The following CHIT1 variants were observed in gnomAD, a reference collection of about 807,000 sequenced individuals.
CHIT1 encodes chitinase 1, also known as chitotriosidase-1.
A neutral mutation model predicts 52.0 loss-of-function variants in CHIT1; 47 were observed. The observed-to-expected ratio is 0.90, with a 90% CI of 0.71 to 1.15. CHIT1 has a LOEUF of 1.15. CHIT1 is among the 50% of genes most tolerant of loss of function. The probability of loss-of-function intolerance (pLI) is 0.00; values close to 1 mark genes in which losing one functional copy is unlikely to be tolerated. For missense variants in CHIT1, 569 were observed against 583.0 expected (o/e 0.98, Z 0.25); for synonymous variants, 242 against 228.2 (o/e 1.06, Z -0.54).
intron 10 of CHIT1, chr1:203,217,481 G>A: frequency 8.2e-7 from 1 of 1,218,368 alleles, no homozygotes; most frequent in Non-Finnish European, 1.2e-6. Flanking sequence ...TCCCAGTCTG[G>A]GGGCCCTCTG....
Position 203,216,940 on chromosome 1 carries a change from G to C in CHIT1, c.1350C>G (p.Cys450Trp). The change falls in exon 11 of 11, where the codon TGC (cysteine) becomes TGG (tryptophan). Residue 450 changes from cysteine to tryptophan, a missense_variant. Transcript: ENST00000367229. ...AGTTGCTGAACACCAGGCCTGTCGG[G>C]CAGCTTTGCTGGAACAGCCGCCCCG... ...CAAGRLFQQS[C>W]PTGLVFSNSC... is the part of the protein sequence containing the mutation. 6.2e-7 allele frequency: 1 copy of C among 1,614,232 alleles called. No individual in the cohort carries two copies. Among genetic ancestry groups the C allele is most frequent in the Non-Finnish European group, 8.5e-7 (1 of 1,180,032 alleles).
chr1:203,223,688 C>G, intron 4 of CHIT1, 28 bp from the exon 5 acceptor site: 2 of 1,613,522 alleles, frequency 1.2e-6, no homozygotes, highest in Admixed American at 1.7e-5. Context: ...GGAGTAAGGG[C>G]CGGCCTTGGA....
At chr1:203,227,817 C>T (rs1656980196) in intron 2 of CHIT1, among the ~76,000 whole-genome samples, 1 of 152,170 alleles carries the variant, frequency 6.6e-6, no homozygotes, top group African/African-American at 2.4e-5. Context: ...TGTTTCTGTG[C>T]CCCCGGCTGT....
intron 10 of CHIT1, chr1:203,217,464 G>A: frequency 7.7e-7 from 1 of 1,305,222 alleles, no homozygotes; most frequent in Non-Finnish European, 1.1e-6. Flanking sequence ...GAGGAACAAG[G>A]TGCTGCTCCC....
Position 203,217,885 on chromosome 1 carries a change from A to C in CHIT1, c.1030-20T>G. The C allele has an allele frequency of 1.3e-6, 2 of 1,499,890 alleles. No individual in the cohort carries two copies. The highest frequency in any genetic ancestry group is 1.8e-6 in the Non-Finnish European group (2 of 1,125,756). 92.9% of individuals were successfully genotyped at this position (1,499,890 alleles called of 1,614,324 possible). ...GCTGACCTGTGCAGGGAGGGGATGC[A>C]GTGGAGGAGCCCGGGGAAGCCTGAC... is the stretch of plus-strand genomic sequence containing the variant. On this transcript the variant is annotated intron_variant, in intron 9 of 10. Transcript: ENST00000367229.
chr1:203,228,318 C>T (rs1410307726), intron 2 of CHIT1, among the ~76,000 whole-genome samples: 1 of 152,204 alleles, frequency 6.6e-6, no homozygotes, highest in African/African-American at 2.4e-5. Context: ...CAAGCTGGCC[C>T]CACAGATGTG....
upstream of CHIT1, chr1:203,230,008 G>T (rs145307959): frequency 2.7e-3 from 862 of 324,684 alleles, 9 homozygotes; most frequent in African/African-American, 0.016. Flanking sequence ...GAAGAGAAAT[G>T]ACTCACGAGT....
In CHIT1 at chr1:203,219,823, C is replaced by T. The variant is rs1384555216; in HGVS notation, c.756G>A (p.Gln252=). Residue 252 remains glutamine (Q), a synonymous_variant, in exon 8 of 11, where the codon CAG becomes CAA. Transcript: ENST00000367229. ...NVDAAVQQWL[Q]KGTPASKLIL... ...TCAGCTTGCTGGCAGGGGTCCCCTTCTGCAGCCACTGTTGCACAGCAGCAT... is the reference window on the plus strand; with the variant it reads ...TCAGCTTGCTGGCAGGGGTCCCCTTTTGCAGCCACTGTTGCACAGCAGCAT... The T allele has an allele frequency of 1.2e-6, 2 of 1,612,312 alleles. No homozygotes were observed. The highest frequency in any genetic ancestry group is 1.7e-6 in the Non-Finnish European group (2 of 1,179,860).
intron 2 of CHIT1, among the ~76,000 whole-genome samples, chr1:203,226,798 C>G (rs757423094): frequency 6.6e-6 from 1 of 152,048 alleles, no homozygotes; most frequent in African/African-American, 2.4e-5. Context: ...TTGACCAGGA[C>G]ACCAGGAAGC....
At chr1:203,227,724 T>A (rs187403614) in intron 2 of CHIT1, among the ~76,000 whole-genome samples, 1 of 152,344 alleles carries the variant, frequency 6.6e-6, no homozygotes, top group East Asian at 1.9e-4. Context: ...CCTACTATTA[T>A]TACTATACTG....
chr1:203,219,882 C>T (rs759640003), intron 7 of CHIT1, 33 bp from the exon 8 acceptor site: 4 of 1,610,050 alleles, frequency 2.5e-6, no homozygotes, highest in African/African-American at 1.3e-5. Flanking sequence ...ATTTTCTCAG[C>T]CCTCAGCCTG....
At chr1:203,227,596 G>A (rs1656971806) in intron 2 of CHIT1, among the ~76,000 whole-genome samples, 1 of 152,188 alleles carries the variant, frequency 6.6e-6, no homozygotes, top group African/African-American at 2.4e-5. Flanking sequence ...CACAATGTGT[G>A]TCACAGGACC....
chr1:203,225,943 G>T (rs527695100), intron 2 of CHIT1, 73 bp from the exon 3 acceptor site: 1 of 1,503,792 alleles, frequency 6.6e-7, no homozygotes, highest in East Asian at 2.3e-5. Flanking sequence ...CTCCATCTGG[G>T]GTAGGCAATG....
At chr1:203,227,878 C>T (rs894234797) in intron 2 of CHIT1, among the ~76,000 whole-genome samples, 1 of 152,200 alleles carries the variant, frequency 6.6e-6, no homozygotes, top group African/African-American at 2.4e-5. Flanking sequence ...TACAGCCCAG[C>T]GTGAGAGGCA....
intron 4 of CHIT1, among the ~76,000 whole-genome samples, chr1:203,224,383 T>A (rs1656850648): frequency 6.6e-6 from 1 of 152,208 alleles, no homozygotes; most frequent in African/African-American, 2.4e-5. Flanking sequence ...TAAAAACTCC[T>A]GCTGCATTTC....
intron 10 of CHIT1, 56 bp downstream of exon 10, chr1:203,217,683 G>A (rs1656581364): frequency 1.2e-6 from 2 of 1,613,128 alleles, no homozygotes; most frequent in African/African-American, 1.3e-5. Context: ...GATGCATGGA[G>A]CTGTGTTTGT....
At chr1:203,219,586 G>T (rs979071302) in intron 8 of CHIT1, 78 bp downstream of exon 8, 2 of 1,512,114 alleles carry the variant, frequency 1.3e-6, no homozygotes, top group Non-Finnish European at 1.8e-6. Flanking sequence ...ACTCAGAAAC[G>T]GTGGGAGAAG....
intron 5 of CHIT1, 39 bp downstream of exon 5, chr1:203,223,456 C>T (rs779891071): frequency 1.9e-6 from 3 of 1,612,462 alleles, no homozygotes; most frequent in South Asian, 2.2e-5. Context: ...GCTCTGGGTC[C>T]CTGCACAGAC....
intron 1 of CHIT1, 76 bp from the exon 2 acceptor site, chr1:203,228,638 AC>A: frequency 6.6e-7 from 1 of 1,504,192 alleles, no homozygotes; most frequent in Non-Finnish European, 9.1e-7. Flanking sequence ...TTACGGAAGC[AC>A]AGGAGGTGGT....
Sources: allele counts gnomAD v4.1 joint callset (sites outside exome capture counted in the v4.1 genomes callset), GRCh38; gene constraint gnomAD v4.1.1; transcripts MANE v1.5; gene names NCBI Gene and HGNC (gene_info 2026-07-23, HGNC 2026-07-21).